The following RAP1A variants were observed in gnomAD, a reference collection of about 807,000 sequenced individuals.
RAP1A encodes ras-related protein Rap-1A.
RAP1A carries 6 observed loss-of-function variants against 26.4 expected under a neutral mutation model. The ratio of observed to expected loss-of-function variants is 0.23; its 90% CI spans 0.12 to 0.45. RAP1A has a LOEUF of 0.45. RAP1A is among the 20% of genes least tolerant of loss of function. The probability of loss-of-function intolerance (pLI) is 0.99; values close to 1 mark genes in which losing one functional copy is unlikely to be tolerated. For synonymous variants in RAP1A, 73 were observed against 79.4 expected, an observed-to-expected ratio of 0.92 and a Z score of 0.43; for missense variants, 121 against 217.2, an observed-to-expected ratio of 0.56 and a Z score of 2.78.
At position 111,567,121 on chromosome 1, in the gene RAP1A, C is replaced by T. The variant is rs192868149; in HGVS notation, c.-28+24612C>T. On this transcript the variant is annotated intron_variant, in intron 1 of 7. Transcript: ENST00000356415. ...AACATGAATAAGAACAGACATAGGC[C>T]CCGCCCTCAAGAAGTCCACCATTTA... Among the ~76,000 whole-genome samples the T allele has an allele frequency of 9.6e-4, 146 of 151,960 alleles. 1 individual carries two copies. Among genetic ancestry groups the T allele is most frequent in the African/African-American group, 3.4e-3 (139 of 41,420 alleles).
chr1:111,709,572 T>G (rs1662312535), intron 7 of RAP1A, among the ~76,000 whole-genome samples: 1 of 152,196 alleles, frequency 6.6e-6, no homozygotes, highest in Non-Finnish European at 1.5e-5. Context: ...GACTCCCAAA[T>G]TCATTCTTAA....
intron 1 of RAP1A, among the ~76,000 whole-genome samples, chr1:111,627,256 G>C (rs1033952444): frequency 6.6e-6 from 1 of 151,648 alleles, no homozygotes; most frequent in African/African-American, 2.4e-5. Context: ...TTGCATGTAC[G>C]GATTTTTTAT....
intron 1 of RAP1A, among the ~76,000 whole-genome samples, chr1:111,628,825 A>G (rs1659478558): frequency 6.6e-6 from 1 of 152,222 alleles, no homozygotes; most frequent in South Asian, 2.1e-4. Context: ...GATGGGACTC[A>G]GTACACTTTG....
chr1:111,578,402 A>G (rs569644603), intron 1 of RAP1A, among the ~76,000 whole-genome samples: 2 of 152,214 alleles, frequency 1.3e-5, no homozygotes, highest in African/African-American at 4.8e-5. Context: ...GGGCAATGAA[A>G]AGCCAGTAAG....
At chr1:111,557,481 A>T (rs1657545041) in intron 1 of RAP1A, among the ~76,000 whole-genome samples, 1 of 151,714 alleles carries the variant, frequency 6.6e-6, no homozygotes, top group Non-Finnish European at 1.5e-5. Flanking sequence ...ACCCAGGAGG[A>T]GGAGGTTGCA....
At chr1:111,662,119 G>A (rs1453745914) in intron 1 of RAP1A, among the ~76,000 whole-genome samples, 1 of 152,042 alleles carries the variant, frequency 6.6e-6, no homozygotes, top group Non-Finnish European at 1.5e-5. Flanking sequence ...TGATTGGCCG[G>A]GTGTGGTGGC....
Position 111,703,399 on chromosome 1 carries a change from T to C in RAP1A, c.247T>C (p.Ser83Pro). The change falls in exon 5 of 8, where the codon TCT becomes CCT. Residue 83 changes from serine to proline, a missense_variant. Coordinates refer to ENST00000369709, the MANE Select transcript of RAP1A (RefSeq NM_002884.4). ...CGGCCAAGGTTTTGCACTAGTATAT[T>C]CTATTACAGCTCAGTCCACGTTTAA... is the stretch of plus-strand genomic sequence containing the variant. ...KNGQGFALVY[S>P]ITAQSTFNDL... 2 of 1,605,154 alleles carry C rather than the reference T, an allele frequency of 1.2e-6. No individual in the cohort carries two copies. The highest frequency in any genetic ancestry group is 1.1e-5 in the South Asian group (1 of 90,376).
intron 1 of RAP1A, among the ~76,000 whole-genome samples, chr1:111,542,991 G>A (rs1488498468): frequency 6.6e-6 from 1 of 152,114 alleles, no homozygotes; most frequent in Non-Finnish European, 1.5e-5. Context: ...GTGAGCCATG[G>A]CGCCCGGCCA....
At chr1:111,605,286 T>C (rs1025822901) in intron 1 of RAP1A, among the ~76,000 whole-genome samples, 14 of 152,198 alleles carry the variant, frequency 9.2e-5, no homozygotes, top group African/African-American at 3.1e-4. Context: ...AACGTACATA[T>C]GTTTATTGGG....
At chr1:111,649,229 C>T in intron 1 of RAP1A, 1 of 486,158 alleles carries the variant, frequency 2.1e-6, no homozygotes, top group Non-Finnish European at 4.0e-6. Flanking sequence ...GTCCCTTCTT[C>T]TCCAGGTGCT....
At chr1:111,648,892 TG>T in intron 1 of RAP1A, 1 of 795,984 alleles carries the variant, frequency 1.3e-6, no homozygotes, top group Non-Finnish European at 2.2e-6. Flanking sequence ...AACCCAGAGC[TG>T]GCAATCTGGG....
intron 1 of RAP1A, chr1:111,602,291 G>T (rs1241382899): frequency 6.6e-6 from 1 of 152,200 alleles, no homozygotes; most frequent in Non-Finnish European, 1.5e-5. Flanking sequence ...GAGGATTTTG[G>T]AGTCAGGAAG....
chr1:111,681,251 G>A (rs144150790), intron 1 of RAP1A, among the ~76,000 whole-genome samples: 53 of 152,118 alleles, frequency 3.5e-4, no homozygotes, highest in African/African-American at 1.3e-3. Flanking sequence ...CCGTCTCAGG[G>A]GAAAAAATGC....
chr1:111,667,534 T>C (rs2101172677), intron 1 of RAP1A, among the ~76,000 whole-genome samples: 1 of 151,930 alleles, frequency 6.6e-6, no homozygotes, highest in East Asian at 1.9e-4. Flanking sequence ...AAATACAAAT[T>C]AGCTGGGCGT....
At chr1:111,648,905 T>G (rs567292037) in intron 1 of RAP1A, 14 of 790,846 alleles carry the variant, frequency 1.8e-5, no homozygotes, top group African/African-American at 5.1e-5. Flanking sequence ...CAATCTGGGC[T>G]TGTAGGCCTT....
At chr1:111,678,129 T>G (rs777466379) in intron 1 of RAP1A, among the ~76,000 whole-genome samples, 1 of 151,982 alleles carries the variant, frequency 6.6e-6, no homozygotes, top group Non-Finnish European at 1.5e-5. Context: ...TTATTTGCAT[T>G]TTCATATAAG....
intron 1 of RAP1A, among the ~76,000 whole-genome samples, chr1:111,607,039 T>A (rs149043133): frequency 0.027 from 3,420 of 125,394 alleles, 86 homozygotes; most frequent in East Asian, 0.088. Flanking sequence ...TTATTTATTT[T>A]TATTGATTAT....
At chr1:111,682,672 A>G (rs1661335130) in intron 1 of RAP1A, among the ~76,000 whole-genome samples, 1 of 152,226 alleles carries the variant, frequency 6.6e-6, no homozygotes, top group Non-Finnish European at 1.5e-5. Context: ...ACCCAGATTC[A>G]TAAAGCAAGT....
At chr1:111,548,968 C>A (rs190031921) in intron 1 of RAP1A, among the ~76,000 whole-genome samples, 1 of 152,288 alleles carries the variant, frequency 6.6e-6, no homozygotes, top group African/African-American at 2.4e-5. Context: ...AGTACAAGTT[C>A]ATTTTAGTGC....
Sources: allele counts gnomAD v4.1 joint callset (sites outside exome capture counted in the v4.1 genomes callset), GRCh38; gene constraint gnomAD v4.1.1; transcripts MANE v1.5; gene names NCBI Gene and HGNC (gene_info 2026-07-23, HGNC 2026-07-21).